Variants in SPG11 observed in about 807,000 individuals in gnomAD.
SPG11 encodes SPG11 vesicle trafficking associated, spatacsin.
In SPG11, 222 loss-of-function variants were observed where a neutral mutation model predicts 274.0. The ratio of observed to expected loss-of-function variants is 0.81; its 90% CI spans 0.73 to 0.91. SPG11 has a LOEUF of 0.91. Among genes scored for constraint, SPG11 ranks in the 40% least tolerant of loss-of-function variants. SPG11 has a pLI of 0.00. For synonymous variants in SPG11, 1,144 were observed against 1,039.7 expected, an observed-to-expected ratio of 1.10 and a Z score of -1.93; for missense variants, 3,114 against 2,872.7, an observed-to-expected ratio of 1.08 and a Z score of -1.92.
At chr15:44,598,442 T>C in intron 22 of SPG11, 69 bp from the exon 23 acceptor site, 1 of 1,459,894 alleles carries the variant, frequency 6.8e-7, no homozygotes. Context: ...TCTGTTTGAA[T>C]AGTGTGGCTC....
chr15:44,633,773 C>A, intron 7 of SPG11, 136 bp from the exon 8 acceptor site: 1 of 817,280 alleles, frequency 1.2e-6, no homozygotes, highest in Admixed American at 2.3e-5. Flanking sequence ...AGTACATGGG[C>A]TCCAGTGAGG....
Position 44,570,666 on chromosome 15 carries a change from G to A in SPG11, c.6344-8C>T. On this transcript the variant is annotated splice_region_variant and splice_polypyrimidine_tract_variant and intron_variant, in intron 33 of 39. Transcript: ENST00000261866. ...GGATCAGGAGCTCTGTGGCTGGGAGGGTGGGCACTGGTAAGATAAGATTAT... is the reference window on the plus strand; with the variant it reads ...GGATCAGGAGCTCTGTGGCTGGGAGAGTGGGCACTGGTAAGATAAGATTAT... 1 of 1,613,386 alleles carries A rather than the reference G, an allele frequency of 6.2e-7. No individual in the cohort carries two copies. Among genetic ancestry groups the A allele is most frequent in the Non-Finnish European group, 8.5e-7 (1 of 1,179,764 alleles).
intron 34 of SPG11, among the ~76,000 whole-genome samples, chr15:44,570,189 A>T (rs530957868): frequency 1.3e-5 from 2 of 152,328 alleles, no homozygotes; most frequent in Admixed American, 6.5e-5. Context: ...ACTTCAATTC[A>T]GAGATGGGGG....
rs965218110 is a variant in SPG11, at chr15:44,625,329, G to C, written c.2244+1002C>G. 3.9e-5 allele frequency among the ~76,000 whole-genome samples: 6 copies of C among 152,058 alleles called. No homozygotes were observed. The East Asian group carries it at 1.2e-3, about 29-fold the overall frequency. The stretch of plus-strand genomic sequence containing the variant: ...AGGACTACAGGTGTGCTATGGTTTG[G>C]ATCTGTGCCCCTGCCCAAATCTCAT... On this transcript the variant is annotated intron_variant, in intron 11 of 39. Transcript: ENST00000261866.
rs746226262 is a variant in SPG11 at position 44,626,363 on chromosome 15, T to C, written c.2212A>G (p.Ile738Val). The C allele has an allele frequency of 8.1e-6, 13 of 1,613,228 alleles. No homozygotes were observed. In the African/African-American group the frequency reaches 1.3e-4, roughly 17 times the overall value. Residue 738 changes from isoleucine (I) to valine (V), a missense_variant, in exon 11 of 40, where the codon ATA becomes GTA. By Grantham distance (29) the Ile-to-Val change is conservative. Coordinates refer to ENST00000261866, the MANE Select transcript of SPG11 (RefSeq NM_025137.4). ...LVFDNLKKNN[I>V]KEASELLKNM... is the part of the protein sequence containing the mutation. ...TTCAAAAGTTCAGAGGCTTCCTTTA[T>C]ATTGTTCTTTTTTAAATTGTCAAAG...
chr15:44,588,500 TATAAGA>T (rs1264015673), intron 28 of SPG11: 3 of 162,718 alleles, frequency 1.8e-5, no homozygotes, highest in African/African-American at 7.2e-5. Flanking sequence ...GGAAATATTA[TATAAGA>T]ATAATTATAT....
chr15:44,583,837 A>G lies in SPG11; in HGVS notation c.5843T>C (p.Ile1948Thr). The part of the protein sequence containing the change: ...AELLEEEAPD[I>T]PLRRVHSTSS... ...ACTGCTGTGGACTCTCCTTAGGGGA[A>G]TGTCGGGTGCTTCTTCCTCAAGCAG... Residue 1948 changes from isoleucine to threonine, a missense_variant, in exon 30 of 40, where the codon ATT becomes ACT. Coordinates refer to ENST00000261866, the MANE Select transcript of SPG11 (RefSeq NM_025137.4). 1 of 1,614,162 alleles carries G rather than the reference A, an allele frequency of 6.2e-7. No homozygotes were observed. Among genetic ancestry groups the G allele is most frequent in the Non-Finnish European group, 8.5e-7 (1 of 1,180,032 alleles).
intron 7 of SPG11, among the ~76,000 whole-genome samples, chr15:44,646,384 G>A (rs1461787712): frequency 6.6e-6 from 1 of 152,216 alleles, no homozygotes; most frequent in Non-Finnish European, 1.5e-5. Flanking sequence ...ATGGCAGAAA[G>A]TGAAGGGGAA....
Position 44,622,026 on chromosome 15 carries a change from G to A in SPG11, c.2445-92C>T, listed in dbSNP as rs141485576. ...TGCTCAAGAACATCCACTCTTTTGG[G>A]GAACACATAATTCTGATTATGCAAA... On this transcript the variant is annotated intron_variant, in intron 13 of 39. Coordinates refer to ENST00000261866, the MANE Select transcript of SPG11 (RefSeq NM_025137.4). 598 of 1,200,270 alleles carry A rather than the reference G, an allele frequency of 5.0e-4. 3 individuals are homozygous for A. The African/African-American group carries it at 8.3e-3, about 17-fold the overall frequency. 74.4% of individuals were successfully genotyped at this position (1,200,270 alleles called of 1,614,324 possible).
intron 15 of SPG11, among the ~76,000 whole-genome samples, chr15:44,618,426 G>A (rs1389280406): frequency 4.0e-5 from 6 of 150,656 alleles, no homozygotes; most frequent in East Asian, 3.9e-4. Context: ...GCTGAGGCAG[G>A]AGAATGAGGA....
intron 16 of SPG11, among the ~76,000 whole-genome samples, chr15:44,614,840 T>C (rs375104350): frequency 3.3e-5 from 5 of 152,236 alleles, no homozygotes; most frequent in Admixed American, 6.5e-5. Context: ...ACTGACCCAA[T>C]AGCAATTAAC....
At chr15:44,595,556 A>G in intron 25 of SPG11, 97 bp from the exon 26 acceptor site, 1 of 1,307,626 alleles carries the variant, frequency 7.6e-7, no homozygotes, top group African/African-American at 1.5e-5. Flanking sequence ...TAAGTCACCC[A>G]ACTTAATTAG....
At chr15:44,602,691 C>T (rs561971280) in intron 20 of SPG11, among the ~76,000 whole-genome samples, 2 of 152,052 alleles carry the variant, frequency 1.3e-5, no homozygotes, top group East Asian at 3.9e-4. Flanking sequence ...ACCGTGTTAG[C>T]CAGGATGGTC....
In SPG11 at chr15:44,584,339, G is replaced by A. The variant is rs1325821548; in HGVS notation, c.5341C>T (p.His1781Tyr). ...ERHLLLTLAGHWLAQEDVVPL... is the reference protein window; with the variant it reads ...ERHLLLTLAGYWLAQEDVVPL... ...ACCACGTCCTCCTGGGCAAGCCAGT[G>A]CCCTGCCAAGGTGAGCAGCAGATGG... Residue 1781 changes from histidine (H) to tyrosine (Y), a missense_variant, in exon 30 of 40, where the codon CAC becomes TAC. By Grantham distance (83) the His-to-Tyr change is moderately conservative. Transcript: ENST00000261866. 1.2e-6 allele frequency: 2 copies of A among 1,611,138 alleles called. No homozygotes were observed. The highest frequency in any genetic ancestry group is 1.7e-6 in the Non-Finnish European group (2 of 1,178,028).
chr15:44,588,294 C>CAAAAAAAAAAAAAAAA (rs200671861), intron 28 of SPG11, among the ~76,000 whole-genome samples: 1 of 134,730 alleles, frequency 7.4e-6, no homozygotes. Flanking sequence ...GAGGAATCTG[C>CAAAAAAAAAAAAAAAA]AAAAAAAAAA....
rs1233243970 is a variant in SPG11, at chr15:44,605,962, T to A, written c.3520+63A>T. 3 of 1,302,338 alleles carry A rather than the reference T, an allele frequency of 2.3e-6. No individual in the cohort carries two copies. In the African/African-American group the frequency reaches 4.4e-5, roughly 19 times the overall value. 80.7% of individuals were successfully genotyped at this position (1,302,338 alleles called of 1,614,324 possible). Reference sequence around the variant, plus strand: ...ATGAGAAAACTAGATTGGCATTACATGTATTAACTTCTGTAGTTAACACTG... The same window carrying A: ...ATGAGAAAACTAGATTGGCATTACAAGTATTAACTTCTGTAGTTAACACTG... On this transcript the variant is annotated intron_variant, in intron 20 of 39. Transcript: ENST00000261866.
intron 38 of SPG11, 132 bp from the exon 39 acceptor site, chr15:44,564,830 G>A: frequency 2.9e-6 from 3 of 1,019,986 alleles, no homozygotes; most frequent in South Asian, 3.0e-5. Flanking sequence ...ATGTTAAAAG[G>A]CTCTATGTAT....
At chr15:44,613,805 T>C (rs1377889646) in intron 16 of SPG11, among the ~76,000 whole-genome samples, 2 of 152,358 alleles carry the variant, frequency 1.3e-5, no homozygotes, top group Non-Finnish European at 1.5e-5. Flanking sequence ...AGATACCTTG[T>C]ACTTTAAGAT....
Position 44,596,870 on chromosome 15 carries a change from T to C in SPG11, c.4075A>G (p.Ile1359Val), listed in dbSNP as rs779818634. ...FCRLHNMKLS[I>V]SYLRECAKAN... Reference sequence around the variant, plus strand: ...TTGGCACATTCTCTAAGGTAAGATATGCTTAGTTTCATATTGTGTAGCCTG... The same window carrying C: ...TTGGCACATTCTCTAAGGTAAGATACGCTTAGTTTCATATTGTGTAGCCTG... The change falls in exon 24 of 40, where the codon ATA (isoleucine) becomes GTA (valine). Residue 1359 changes from isoleucine to valine, a missense_variant. Ile to Val is a conservative substitution (Grantham distance 29). Coordinates refer to ENST00000261866, the MANE Select transcript of SPG11 (RefSeq NM_025137.4). The C allele has an allele frequency of 7.4e-6, 12 of 1,613,890 alleles. No homozygotes were observed. In the Admixed American group the frequency reaches 1.8e-4, roughly 25 times the overall value.
Sources: gnomAD v4.1 joint callset for allele counts (sites outside exome capture counted in the v4.1 genomes callset) on GRCh38, gnomAD v4.1.1 for gene constraint, MANE v1.5 for transcripts, NCBI Gene and HGNC (gene_info 2026-07-23, HGNC 2026-07-21) for gene names.